Variants in C2orf69 observed in about 807,000 individuals in gnomAD.
The protein encoded by C2orf69 is chromosome 2 open reading frame 69.
C2orf69 carries 19 observed loss-of-function variants against 29.5 expected under a neutral mutation model. The ratio of observed to expected loss-of-function variants is 0.65; its 90% CI spans 0.45 to 0.95. C2orf69 has a LOEUF of 0.95. C2orf69 is among the 40% of genes least tolerant of loss of function. The pLI, the probability that C2orf69 is intolerant of heterozygous loss-of-function variation, is 0.00. For missense variants in C2orf69, 416 were observed against 482.1 expected (o/e 0.86, Z 1.28); for synonymous variants, 194 against 180.0 (o/e 1.08, Z -0.62).
chr2:199,927,280 G>C lies in C2orf69; in HGVS notation c.*1394G>C, dbSNP rs2077338927. The C allele has an allele frequency of 7.6e-6, 1 of 131,096 alleles. No individual in the cohort carries two copies. Among genetic ancestry groups the C allele is most frequent in the Non-Finnish European group, 1.6e-5 (1 of 63,628 alleles). The allele number at this position is 131,096 out of a possible 1,614,324, so 8.1% of individuals were successfully genotyped here. A position where few individuals can be genotyped will look rare whatever the true frequency, so the allele number is the denominator to read the frequency against. Reference sequence around the variant, plus strand: ...ATTAGCTTTTGCAGGTAATGAAATAGCAGGGAAGTAACATGCTGCTTTAGG... The same window carrying C: ...ATTAGCTTTTGCAGGTAATGAAATACCAGGGAAGTAACATGCTGCTTTAGG... On this transcript the variant is annotated 3_prime_UTR_variant, in exon 2 of 2. Coordinates refer to ENST00000319974, the MANE Select transcript of C2orf69 (RefSeq NM_153689.6).
rs766550225 is a variant in C2orf69 at position 199,926,433 on chromosome 2, CAT to C, written c.*552_*553del. ...CAAGTACTTTTCTCATGAGAGTCAA[CAT>C]ATATTTGTTTCCAAATGTCCACAAG... On this transcript the variant is annotated 3_prime_UTR_variant, in exon 2 of 2. Coordinates refer to ENST00000319974, the MANE Select transcript of C2orf69 (RefSeq NM_153689.6). 1.3e-5 allele frequency: 2 copies of C among 154,902 alleles called. No homozygotes were observed. The highest frequency in any genetic ancestry group is 2.4e-5 in the African/African-American group (1 of 41,438). The allele number at this position is 154,902 out of a possible 1,614,324, so 9.6% of individuals were successfully genotyped here.
At chr2:199,912,516 C>T (rs2077268853) in intron 1 of C2orf69, among the ~76,000 whole-genome samples, 2 of 152,170 alleles carry the variant, frequency 1.3e-5, no homozygotes, top group East Asian at 1.9e-4. Context: ...TTCAAGTGCT[C>T]AGTAGCTACA....
Position 199,926,684 on chromosome 2 carries a change from GTTTAATT to G in C2orf69, c.*806_*812del. On this transcript the variant is annotated 3_prime_UTR_variant, in exon 2 of 2. Transcript: ENST00000319974. ...AACAAAATTACACTTAAGCACTATT[GTTTAATT>G]TTTAATTGTCAGTTTATCATTATTT... 1 of 152,668 alleles carries G rather than the reference GTTTAATT, an allele frequency of 6.6e-6. No homozygotes were observed. The highest frequency in any genetic ancestry group is 2.4e-5 in the African/African-American group (1 of 41,560). 9.5% of individuals were successfully genotyped at this position (152,668 alleles called of 1,614,324 possible).
chr2:199,922,188 T>C (rs763732267), intron 1 of C2orf69, among the ~76,000 whole-genome samples: 1 of 151,574 alleles, frequency 6.6e-6, no homozygotes, highest in Non-Finnish European at 1.5e-5. Flanking sequence ...CTCCACCTCC[T>C]GGGCTCAAGC....
At chr2:199,913,559 A>T (rs867940387) in intron 1 of C2orf69, among the ~76,000 whole-genome samples, 9 of 130,422 alleles carry the variant, frequency 6.9e-5, no homozygotes, top group South Asian at 2.2e-4. Flanking sequence ...ATATATATAT[A>T]TTTTTATAAT....
At chr2:199,924,547 A>C (rs1480225994) in intron 1 of C2orf69, among the ~76,000 whole-genome samples, 1 of 152,240 alleles carries the variant, frequency 6.6e-6, no homozygotes, top group Non-Finnish European at 1.5e-5. Flanking sequence ...AGAGTTTTCT[A>C]TAATGTTTAT....
chr2:199,922,869 C>T (rs2077322321), intron 1 of C2orf69, among the ~76,000 whole-genome samples: 1 of 152,208 alleles, frequency 6.6e-6, no homozygotes, highest in Admixed American at 6.5e-5. Context: ...AAGCATATAT[C>T]AGCCCTTGGC....
In C2orf69 at chr2:199,927,175, G is replaced by T. The variant is rs2077338452; in HGVS notation, c.*1289G>T. 1 of 151,974 alleles carries T rather than the reference G, an allele frequency of 6.6e-6. No homozygotes were observed. Among genetic ancestry groups the T allele is most frequent in the African/African-American group, 2.4e-5 (1 of 41,368 alleles). 9.4% of individuals were successfully genotyped at this position (151,974 alleles called of 1,614,324 possible). A position where few individuals can be genotyped will look rare whatever the true frequency, so the allele number is the denominator to read the frequency against. ...AGATAAATACACTTTGAGAAATCCA[G>T]ATCTAATAAATGTCAACCAACATTG... On this transcript the variant is annotated 3_prime_UTR_variant, in exon 2 of 2. Coordinates refer to ENST00000319974, the MANE Select transcript of C2orf69 (RefSeq NM_153689.6).
chr2:199,927,222 A>C lies in C2orf69; in HGVS notation c.*1336A>C, dbSNP rs2077338731. On this transcript the variant is annotated 3_prime_UTR_variant, in exon 2 of 2. Coordinates refer to ENST00000319974, the MANE Select transcript of C2orf69 (RefSeq NM_153689.6). ...ATTGACATTGTAATTGGGTGATTAC[A>C]ATAAAAGGTGAGCAGTTTGTTGTTT... 1 of 151,886 alleles carries C rather than the reference A, an allele frequency of 6.6e-6. No individual in the cohort carries two copies. The highest frequency in any genetic ancestry group is 2.4e-5 in the African/African-American group (1 of 41,342). 9.4% of individuals were successfully genotyped at this position (151,886 alleles called of 1,614,324 possible). A position where few individuals can be genotyped will look rare whatever the true frequency, so the allele number is the denominator to read the frequency against.
Position 199,926,671 on chromosome 2 carries a change from C to T in C2orf69, c.*785C>T, listed in dbSNP as rs902376086. 1 of 152,574 alleles carries T rather than the reference C, an allele frequency of 6.6e-6. No individual in the cohort carries two copies. Among genetic ancestry groups the T allele is most frequent in the Non-Finnish European group, 1.5e-5 (1 of 68,022 alleles). 9.5% of individuals were successfully genotyped at this position (152,574 alleles called of 1,614,324 possible). ...TAAAACAAAACAAAACAAAATTACA[C>T]TTAAGCACTATTGTTTAATTTTTAA... On this transcript the variant is annotated 3_prime_UTR_variant, in exon 2 of 2. Transcript: ENST00000319974.
chr2:199,913,629 A>G lies in C2orf69; in HGVS notation c.333+1858A>G, dbSNP rs528963475. On this transcript the variant is annotated intron_variant, in intron 1 of 1. Transcript: ENST00000319974. ...CTGGTTTAGTTGACTGCTAATAAAAACTGGAGAAAAAAAAAGAGAATAAAG... is the reference window on the plus strand; with the variant it reads ...CTGGTTTAGTTGACTGCTAATAAAAGCTGGAGAAAAAAAAAGAGAATAAAG... Among the ~76,000 whole-genome samples the G allele has an allele frequency of 1.4e-4, 20 of 145,296 alleles. No individual in the cohort carries two copies. The South Asian group carries it at 4.0e-3, about 29-fold the overall frequency.
At position 199,911,539 on chromosome 2, in the gene C2orf69, AC is replaced by A; in HGVS notation, c.104del (p.Pro35ArgfsTer83). The A allele has an allele frequency of 6.5e-7, 1 of 1,549,602 alleles. No individual in the cohort carries two copies. The highest frequency in any genetic ancestry group is 8.7e-7 in the Non-Finnish European group (1 of 1,146,668). ...ASSCSQARTM[N>X]PGGSGGARCS... ...TCCTGCTCTCAGGCCAGAACCATGA[AC>A]CCGGGCGGCAGCGGCGGCGCGCGAT... On this transcript the variant is annotated frameshift_variant, in exon 1 of 2. Coordinates refer to ENST00000319974, the MANE Select transcript of C2orf69 (RefSeq NM_153689.6). LOFTEE classifies it high-confidence loss of function.
chr2:199,927,739 T>G lies in C2orf69; in HGVS notation c.*1853T>G, dbSNP rs2077341349. Reference sequence around the variant, plus strand: ...ATTGGATGGCTTTTTTTCTATTTGTTTAATAATCCTTGGCTAAATTCACAT... The same window carrying G: ...ATTGGATGGCTTTTTTTCTATTTGTGTAATAATCCTTGGCTAAATTCACAT... On this transcript the variant is annotated 3_prime_UTR_variant, in exon 2 of 2. Transcript: ENST00000319974. The G allele has an allele frequency of 6.6e-6, 1 of 152,114 alleles. No individual in the cohort carries two copies. The allele number at this position is 152,114 out of a possible 1,614,324, so 9.4% of individuals were successfully genotyped here.
intron 1 of C2orf69, among the ~76,000 whole-genome samples, chr2:199,919,946 C>A (rs1027670402): frequency 2.6e-5 from 4 of 152,158 alleles, no homozygotes; most frequent in Non-Finnish European, 4.4e-5. Flanking sequence ...ACTTCAATAG[C>A]AGTTTGGAGT....
chr2:199,913,540 A>G (rs1159365378), intron 1 of C2orf69, among the ~76,000 whole-genome samples: 1 of 126,626 alleles, frequency 7.9e-6, no homozygotes, highest in Non-Finnish European at 1.6e-5. Context: ...ACTATATAAT[A>G]TATATAAAAT....
Position 199,927,255 on chromosome 2 carries a change from A to ATTAGCT in C2orf69, c.*1372_*1377dup, listed in dbSNP as rs777421530. On this transcript the variant is annotated 3_prime_UTR_variant, in exon 2 of 2. Coordinates refer to ENST00000319974, the MANE Select transcript of C2orf69 (RefSeq NM_153689.6). Reference sequence around the variant, plus strand: ...GTGAGCAGTTTGTTGTTTATTAATAATTAGCTTTTGCAGGTAATGAAATAG... The same window carrying ATTAGCT: ...GTGAGCAGTTTGTTGTTTATTAATAATTAGCTTTAGCTTTTGCAGGTAATGAAATAG... 2.7e-5 allele frequency: 4 copies of ATTAGCT among 149,138 alleles called. No homozygotes were observed. Among genetic ancestry groups the ATTAGCT allele is most frequent in the Non-Finnish European group, 4.5e-5 (3 of 67,376 alleles). The allele number at this position is 149,138 out of a possible 1,614,324, so 9.2% of individuals were successfully genotyped here.
At position 199,924,960 on chromosome 2, in the gene C2orf69, T is replaced by C. The variant is rs1391274299; in HGVS notation, c.334-102T>C. The stretch of plus-strand genomic sequence containing the variant: ...TCTAGTGTACATTAACCATAGGTCA[T>C]TGTAACATCCCTTCTCCACAATAAA... On this transcript the variant is annotated intron_variant, in intron 1 of 1. Coordinates refer to ENST00000319974, the MANE Select transcript of C2orf69 (RefSeq NM_153689.6). 4.3e-6 allele frequency: 3 copies of C among 702,386 alleles called. No homozygotes were observed. The East Asian group carries it at 8.1e-5, about 19-fold the overall frequency. 43.5% of individuals were successfully genotyped at this position (702,386 alleles called of 1,614,324 possible).
At position 199,911,666 on chromosome 2, in the gene C2orf69, G is replaced by A. The variant is rs1307921165; in HGVS notation, c.228G>A (p.Ala76=). 2 of 1,548,028 alleles carry A rather than the reference G, an allele frequency of 1.3e-6. No homozygotes were observed. Among genetic ancestry groups the A allele is most frequent in the Non-Finnish European group, 1.7e-6 (2 of 1,146,702 alleles). Residue 76 remains alanine, a synonymous_variant, in exon 1 of 2, where the codon GCG becomes GCA. Coordinates refer to ENST00000319974, the MANE Select transcript of C2orf69 (RefSeq NM_153689.6). ...GCAACGAATTGCTCCTGTTGGCGGC[G>A]GCCGGGGAGGGACTGGAGCGGCAGG... The part of the protein sequence containing the change: ...QRSNELLLLA[A]AGEGLERQDL...
Position 199,926,069 on chromosome 2 carries a change from G to A in C2orf69, c.*183G>A. The A allele has an allele frequency of 1.8e-6, 1 of 541,670 alleles. No individual in the cohort carries two copies. Among genetic ancestry groups the A allele is most frequent in the South Asian group, 2.9e-5 (1 of 34,684 alleles). The allele number at this position is 541,670 out of a possible 1,614,324, so 33.6% of individuals were successfully genotyped here. ...TATTTTTTGCTTGTGAATGTGAGCA[G>A]TTATTAATTTGGATTGAGTTAGAAT... On this transcript the variant is annotated 3_prime_UTR_variant, in exon 2 of 2. Transcript: ENST00000319974.
Sources: gnomAD v4.1 joint callset for allele counts (sites outside exome capture counted in the v4.1 genomes callset) on GRCh38, gnomAD v4.1.1 for gene constraint, MANE v1.5 for transcripts, NCBI Gene and HGNC (gene_info 2026-07-23, HGNC 2026-07-21) for gene names.